Variants in UBE2H observed in about 807,000 individuals in gnomAD.
The protein encoded by UBE2H is ubiquitin-conjugating enzyme E2 H.
In UBE2H, 3 loss-of-function variants were observed where a neutral mutation model predicts 29.0. The observed-to-expected ratio is 0.10, with a 90% confidence interval of 0.05 to 0.27. UBE2H has a LOEUF of 0.27. Among genes scored for constraint, UBE2H ranks in the 10% least tolerant of loss-of-function variants. The pLI is 1.00. For synonymous variants in UBE2H, 69 were observed against 82.9 expected, an observed-to-expected ratio of 0.83 and a Z score of 0.91; for missense variants, 68 against 228.2, an observed-to-expected ratio of 0.30 and a Z score of 4.52.
intron 5 of UBE2H, among the ~76,000 whole-genome samples, chr7:129,844,139 T>C (rs535393622): frequency 6.6e-6 from 1 of 152,316 alleles, no homozygotes; most frequent in East Asian, 1.9e-4. Context: ...ACATTTTTGA[T>C]CCATTTTACA....
intron 3 of UBE2H, among the ~76,000 whole-genome samples, chr7:129,872,518 C>T (rs1306209942): frequency 6.6e-6 from 1 of 151,992 alleles, no homozygotes; most frequent in Admixed American, 6.6e-5. Flanking sequence ...TAATGCAGTT[C>T]CCTTTATCAC....
chr7:129,923,755 C>A (rs188184723), intron 1 of UBE2H, among the ~76,000 whole-genome samples: 1 of 152,292 alleles, frequency 6.6e-6, no homozygotes, highest in Admixed American at 6.5e-5. Flanking sequence ...TCACAAGGGC[C>A]TGTCCCATCC....
intron 1 of UBE2H, among the ~76,000 whole-genome samples, chr7:129,884,089 C>CT (rs1260420000): frequency 6.6e-6 from 1 of 151,806 alleles, no homozygotes; most frequent in Non-Finnish European, 1.5e-5. Flanking sequence ...GAGTGTGACT[C>CT]TGTCTCAAAA....
intron 1 of UBE2H, among the ~76,000 whole-genome samples, chr7:129,906,922 A>G (rs1295582576): frequency 2.6e-5 from 4 of 152,218 alleles, no homozygotes; most frequent in Non-Finnish European, 5.9e-5. Flanking sequence ...GGCAGAGATA[A>G]AATCTCCAAT....
intron 3 of UBE2H, among the ~76,000 whole-genome samples, chr7:129,865,954 G>A (rs909878113): frequency 4.6e-5 from 7 of 152,116 alleles, no homozygotes; most frequent in Non-Finnish European, 2.9e-5. Context: ...GGGTGGGGGG[G>A]TGCTGCCAGC....
intron 1 of UBE2H, among the ~76,000 whole-genome samples, chr7:129,914,627 G>A (rs974443694): frequency 6.6e-6 from 1 of 152,160 alleles, no homozygotes; most frequent in Non-Finnish European, 1.5e-5. Flanking sequence ...ACCGACCCAG[G>A]TTTGAGTTCT....
rs193141598 is a variant in UBE2H at position 129,928,446 on chromosome 7, T to C, written c.53+24057A>G. 4.9e-4 allele frequency among the ~76,000 whole-genome samples: 75 copies of C among 152,042 alleles called. 1 individual carries two copies. The East Asian group carries it at 0.014, about 27-fold the overall frequency. ...GGTGAAACCTCGTCTCTACTAAAAATACAAAAATTAGCCGGGTGTGGTGGC... is the reference window on the plus strand; with the variant it reads ...GGTGAAACCTCGTCTCTACTAAAAACACAAAAATTAGCCGGGTGTGGTGGC... On this transcript the variant is annotated intron_variant, in intron 1 of 6. Coordinates refer to ENST00000355621, the MANE Select transcript of UBE2H (RefSeq NM_003344.4).
At chr7:129,883,234 T>C (rs1806289375) in intron 1 of UBE2H, among the ~76,000 whole-genome samples, 1 of 152,256 alleles carries the variant, frequency 6.6e-6, no homozygotes, top group African/African-American at 2.4e-5. Context: ...TTTACTCTTT[T>C]ATTCAAATTT....
chr7:129,923,826 C>T (rs983686829), intron 1 of UBE2H, among the ~76,000 whole-genome samples: 2 of 152,308 alleles, frequency 1.3e-5, no homozygotes, highest in East Asian at 1.9e-4. Flanking sequence ...AAACAAGACA[C>T]GAGGGAACTG....
chr7:129,897,606 C>T (rs1806624215), intron 1 of UBE2H, among the ~76,000 whole-genome samples: 1 of 152,058 alleles, frequency 6.6e-6, no homozygotes, highest in Non-Finnish European at 1.5e-5. Context: ...CTGAAAAAAG[C>T]AAAACTACAG....
chr7:129,853,112 G>C (rs918454656), intron 5 of UBE2H, among the ~76,000 whole-genome samples: 1 of 152,150 alleles, frequency 6.6e-6, no homozygotes, highest in African/African-American at 2.4e-5. Flanking sequence ...ACATTTGCAG[G>C]GATCAAGCAT....
intron 3 of UBE2H, among the ~76,000 whole-genome samples, chr7:129,871,074 T>C (rs1178665101): frequency 6.6e-6 from 1 of 152,260 alleles, no homozygotes; most frequent in Non-Finnish European, 1.5e-5. Context: ...CCATTAATTC[T>C]CTGCATAAAG....
chr7:129,872,845 C>CAAAAAAAAAAAAA (rs34001143), intron 3 of UBE2H, among the ~76,000 whole-genome samples: 14 of 72,004 alleles, frequency 1.9e-4, no homozygotes, highest in East Asian at 1.6e-3. Context: ...CACTCCGTCT[C>CAAAAAAAAAAAAA]AAAAAAAAAA....
intron 1 of UBE2H, among the ~76,000 whole-genome samples, chr7:129,939,423 A>C (rs1807597291): frequency 6.6e-6 from 1 of 152,226 alleles, no homozygotes; most frequent in African/African-American, 2.4e-5. Flanking sequence ...GCCAAGGAGA[A>C]TCACTAATTT....
At chr7:129,913,148 A>T (rs1806972638) in intron 1 of UBE2H, among the ~76,000 whole-genome samples, 1 of 150,746 alleles carries the variant, frequency 6.6e-6, no homozygotes, top group South Asian at 2.1e-4. Context: ...GCTACTCGGG[A>T]GGCTGAGGCA....
intron 1 of UBE2H, among the ~76,000 whole-genome samples, chr7:129,942,078 C>G (rs746272178): frequency 1.4e-4 from 21 of 151,894 alleles, no homozygotes; most frequent in South Asian, 8.3e-4. Flanking sequence ...GGTGTGGTGG[C>G]ACACGCCTGT....
At chr7:129,835,877 G>C (rs924206459) in intron 6 of UBE2H, among the ~76,000 whole-genome samples, 3 of 152,202 alleles carry the variant, frequency 2.0e-5, no homozygotes, top group African/African-American at 4.8e-5. Context: ...TCCTCCTATA[G>C]AGTTGCGGGG....
chr7:129,929,590 T>C (rs1807345786), intron 1 of UBE2H, among the ~76,000 whole-genome samples: 1 of 152,190 alleles, frequency 6.6e-6, no homozygotes, highest in African/African-American at 2.4e-5. Context: ...AAATACAAGA[T>C]AAACCAGACA....
chr7:129,948,905 G>A (rs1021705618), intron 1 of UBE2H: 1 of 381,174 alleles, frequency 2.6e-6, no homozygotes, highest in African/African-American at 2.1e-5. Flanking sequence ...CCACTCAGAG[G>A]GCCTCCCCAG....
Sources: gnomAD v4.1 joint callset for allele counts (sites outside exome capture counted in the v4.1 genomes callset) on GRCh38, gnomAD v4.1.1 for gene constraint, MANE v1.5 for transcripts, NCBI Gene and HGNC (gene_info 2026-07-23, HGNC 2026-07-21) for gene names.